Variants in IL10 observed in about 807,000 individuals in gnomAD.
The protein encoded by IL10 is interleukin-10.
IL10 carries 7 observed loss-of-function variants against 21.0 expected under a neutral mutation model. The observed-to-expected ratio is 0.33, with a 90% CI of 0.19 to 0.63. IL10 has a LOEUF of 0.63. IL10 is among the 20% of genes least tolerant of loss of function. IL10 has a pLI of 0.77. For synonymous variants in IL10, 83 were observed against 79.7 expected, an observed-to-expected ratio of 1.04 and a Z score of -0.22; for missense variants, 161 against 213.0, an observed-to-expected ratio of 0.76 and a Z score of 1.52.
In IL10 at chr1:206,772,458, T is replaced by C. The variant is rs1400264748; in HGVS notation, c.-23A>G. ...CATGCCTTCTTTTGCAAGTCTGTCT[T>C]GTGGTTTGGTTTTGCAAGAGCAAGC... is the stretch of plus-strand genomic sequence containing the variant. On this transcript the variant is annotated 5_prime_UTR_variant, in exon 1 of 5. Coordinates refer to ENST00000423557, the MANE Select transcript of IL10 (RefSeq NM_000572.3). The C allele has an allele frequency of 6.2e-7, 1 of 1,613,178 alleles. No homozygotes were observed. Among genetic ancestry groups the C allele is most frequent in the African/African-American group, 1.3e-5 (1 of 74,906 alleles).
intron 2 of IL10, 148 bp from the exon 3 acceptor site, chr1:206,771,207 T>A (rs1489841191): frequency 8.6e-7 from 1 of 1,162,468 alleles, no homozygotes; most frequent in Non-Finnish European, 1.3e-6. Flanking sequence ...TTGTAAACCC[T>A]CTGGCTGCTG....
At chr1:206,770,572 G>A (rs959996625) in intron 3 of IL10, 4 of 365,932 alleles carry the variant, frequency 1.1e-5, no homozygotes, top group Non-Finnish European at 1.5e-5. Context: ...TTAGCTCCCC[G>A]CCCAGGGTCT....
rs938217432 is a variant in IL10, at chr1:206,768,398, G to A, written c.*238C>T. On this transcript the variant is annotated 3_prime_UTR_variant, in exon 5 of 5. Coordinates refer to ENST00000423557, the MANE Select transcript of IL10 (RefSeq NM_000572.3). The stretch of plus-strand genomic sequence containing the variant: ...CCCTATGGAAACAGCTTAAAAACAG[G>A]TGAAAATAATAAATATTGAAAAAAA... 2.9e-5 allele frequency: 14 copies of A among 481,254 alleles called. No individual in the cohort carries two copies. Among genetic ancestry groups the A allele is most frequent in the African/African-American group, 1.5e-4 (8 of 51,794 alleles). The allele number at this position is 481,254 out of a possible 1,614,324, so 29.8% of individuals were successfully genotyped here. A position where few individuals can be genotyped will look rare whatever the true frequency, so the allele number is the denominator to read the frequency against.
chr1:206,770,291 C>G, intron 3 of IL10: 1 of 354,358 alleles, frequency 2.8e-6, no homozygotes, highest in Admixed American at 3.8e-5. Flanking sequence ...AAACCCTTCA[C>G]ATAGCCTTGT....
chr1:206,772,178 G>A, intron 1 of IL10, 93 bp downstream of exon 1: 1 of 1,076,606 alleles, frequency 9.3e-7, no homozygotes, highest in South Asian at 1.3e-5. Context: ...GATGGAGGTG[G>A]AGGCGCAGGA....
At position 206,767,890 on chromosome 1, in the gene IL10, C is replaced by G. The variant is rs561904879; in HGVS notation, c.*746G>C. 2 of 156,054 alleles carry G rather than the reference C, an allele frequency of 1.3e-5. No individual in the cohort carries two copies. The highest frequency in any genetic ancestry group is 2.8e-5 in the Non-Finnish European group (2 of 70,452). 9.7% of individuals were successfully genotyped at this position (156,054 alleles called of 1,614,324 possible). A position where few individuals can be genotyped will look rare whatever the true frequency, so the allele number is the denominator to read the frequency against. ...GATTACAGGTGCGCGCCACCATGCC[C>G]GGCTAATTTTTGTATTTTTAGTAGA... On this transcript the variant is annotated 3_prime_UTR_variant, in exon 5 of 5. Transcript: ENST00000423557.
At chr1:206,769,580 C>A in intron 4 of IL10, 1 of 582,432 alleles carries the variant, frequency 1.7e-6, no homozygotes, top group Non-Finnish European at 3.1e-6. Flanking sequence ...GGCCGGCCAG[C>A]CTAACCCGCA....
Position 206,772,318 on chromosome 1 carries a change from T to C in IL10, c.118A>G (p.Met40Val), listed in dbSNP as rs755837237. Residue 40 changes from methionine (M) to valine (V), a missense_variant, in exon 1 of 5, where the codon ATG (methionine) becomes GTG (valine). By Grantham distance (21) the Met-to-Val change is conservative (BLOSUM62 1). Coordinates refer to ENST00000423557, the MANE Select transcript of IL10 (RefSeq NM_000572.3). The stretch of plus-strand genomic sequence containing the variant: ...AAGGCATCTCGGAGATCTCGAAGCA[T>C]GTTAGGCAGGTTGCCTGGGAAGTGG... ...CTHFPGNLPNMLRDLRDAFSR... is the reference protein window; with the variant it reads ...CTHFPGNLPNVLRDLRDAFSR... 40 of 1,614,042 alleles carry C rather than the reference T, an allele frequency of 2.5e-5. No homozygotes were observed. The East Asian group carries it at 8.7e-4, about 35-fold the overall frequency.
chr1:206,771,005 C>A lies in IL10; in HGVS notation c.280G>T (p.Val94Leu). 1 of 1,614,150 alleles carries A rather than the reference C, an allele frequency of 6.2e-7. No homozygotes were observed. The highest frequency in any genetic ancestry group is 8.5e-7 in the Non-Finnish European group (1 of 1,179,988). The change falls in exon 3 of 5, where the codon GTG becomes TTG. Residue 94 changes from valine (V) to leucine (L), a missense_variant. Val to Leu is a conservative substitution (Grantham distance 32). Transcript: ENST00000423557. ...TCTTGGTTCTCAGCTTGGGGCATCACCTCCTCCAGGTAAAACTGGATCATC... is the reference window on the plus strand; with the variant it reads ...TCTTGGTTCTCAGCTTGGGGCATCAACTCCTCCAGGTAAAACTGGATCATC... ...SEMIQFYLEEVMPQAENQDPD... is the reference protein window; with the variant it reads ...SEMIQFYLEELMPQAENQDPD...
Position 206,771,386 on chromosome 1 carries a change from C to T in IL10, c.195G>A (p.Leu65=). ...AGTCCTCCAGCAAGGACTCCTTTAA[C>T]AACAAGTTGTCCAGCTGATCCTTCA... ...FQMKDQLDNL[L]LKESLLEDFK... Residue 65 remains leucine (L), a synonymous_variant, in exon 2 of 5, where the codon TTG becomes TTA. Transcript: ENST00000423557. The T allele has an allele frequency of 1.2e-6, 2 of 1,613,474 alleles. No homozygotes were observed. The highest frequency in any genetic ancestry group is 8.5e-7 in the Non-Finnish European group (1 of 1,179,736).
rs1274280163 is a variant in IL10, at chr1:206,772,312, G to A, written c.124C>T (p.Arg42Ter). ...HFPGNLPNML[R>*]DLRDAFSRVK... ...CTGCTGAAGGCATCTCGGAGATCTC[G>A]AAGCATGTTAGGCAGGTTGCCTGGG... Residue 42 changes from arginine (R) to a stop codon, truncating the protein, a stop_gained, in exon 1 of 5, where the codon CGA (arginine) becomes TGA (stop). Coordinates refer to ENST00000423557, the MANE Select transcript of IL10 (RefSeq NM_000572.3). LOFTEE classifies it high-confidence loss of function. The A allele has an allele frequency of 6.2e-7, 1 of 1,614,180 alleles. No homozygotes were observed.
At chr1:206,771,263 G>A in intron 2 of IL10, 93 bp downstream of exon 2, 1 of 1,299,840 alleles carries the variant, frequency 7.7e-7, no homozygotes, top group South Asian at 1.2e-5. Context: ...TCAAAGCGAA[G>A]GAAACAAACC....
rs370491306 is a variant in IL10, at chr1:206,771,282, T to C, written c.225+74A>G. 3.4e-4 allele frequency: 465 copies of C among 1,382,570 alleles called. 9 individuals are homozygous for C. The South Asian group carries it at 4.2e-3, about 12-fold the overall frequency. The allele number at this position is 1,382,570 out of a possible 1,614,324, so 85.6% of individuals were successfully genotyped here. A position where few individuals can be genotyped will look rare whatever the true frequency, so the allele number is the denominator to read the frequency against. ...AGCGAAGGAAACAAACCCAATTCCC[T>C]GCAATCAGGAAGCAGAGTCTCCCTT... On this transcript the variant is annotated intron_variant, in intron 2 of 4. Transcript: ENST00000423557.
intron 4 of IL10, 77 bp from the exon 5 acceptor site, chr1:206,768,805 G>C: frequency 1.2e-6 from 1 of 854,616 alleles, no homozygotes; most frequent in Non-Finnish European, 2.0e-6. Flanking sequence ...CATGCTCATG[G>C]ATGGGCATGA....
intron 1 of IL10, among the ~76,000 whole-genome samples, chr1:206,771,839 G>T (rs1423860700): frequency 6.6e-6 from 1 of 152,232 alleles, no homozygotes; most frequent in African/African-American, 2.4e-5. Context: ...TCCTTCTAAT[G>T]CAGGTTTCCC....
rs139352858 is a variant in IL10, at chr1:206,771,057, A to G, written c.228T>C (p.Gly76=). 14 of 1,614,060 alleles carry G rather than the reference A, an allele frequency of 8.7e-6. No homozygotes were observed. The African/African-American group carries it at 1.5e-4, about 17-fold the overall frequency. The part of the protein sequence containing the change: ...LKESLLEDFK[G]YLGCQALSEM... The stretch of plus-strand genomic sequence containing the variant: ...CAGACAAGGCTTGGCAACCCAGGTA[A>G]CCCTAAGGGCAGGAGCCAAAGGTGA... Residue 76 remains glycine (G), a splice_region_variant and synonymous_variant, in exon 3 of 5, where the codon GGT becomes GGC. Coordinates refer to ENST00000423557, the MANE Select transcript of IL10 (RefSeq NM_000572.3).
intron 4 of IL10, 124 bp downstream of exon 4, chr1:206,769,705 G>T: frequency 7.6e-6 from 6 of 786,330 alleles, no homozygotes; most frequent in Non-Finnish European, 1.1e-5. Context: ...CATCTGTCAG[G>T]TTCCCACACT....
At position 206,772,367 on chromosome 1, in the gene IL10, G is replaced by C. The variant is rs1287685346; in HGVS notation, c.69C>G (p.Gly23=). ...LTGVRASPGQ[G]TQSENSCTHF... ...GGGTGCAGCTGTTCTCAGACTGGGT[G>C]CCCTGGCCTGGGCTGGCCCTCACCC... Residue 23 remains glycine, a synonymous_variant, in exon 1 of 5, where the codon GGC becomes GGG. Coordinates refer to ENST00000423557, the MANE Select transcript of IL10 (RefSeq NM_000572.3). The C allele has an allele frequency of 3.1e-6, 5 of 1,614,138 alleles. No individual in the cohort carries two copies. The highest frequency in any genetic ancestry group is 2.2e-5 in the East Asian group (1 of 44,888).
chr1:206,772,195 T>G lies in IL10; in HGVS notation c.165+76A>C, dbSNP rs980358462. Reference sequence around the variant, plus strand: ...TGGAGGTGGAGGCGCAGGAGGAGGGTTCTTATAGTTCCAGGAGAATGTCTA... The same window carrying G: ...TGGAGGTGGAGGCGCAGGAGGAGGGGTCTTATAGTTCCAGGAGAATGTCTA... On this transcript the variant is annotated intron_variant, in intron 1 of 4. Coordinates refer to ENST00000423557, the MANE Select transcript of IL10 (RefSeq NM_000572.3). 6.6e-5 allele frequency: 88 copies of G among 1,326,290 alleles called. 1 individual carries two copies. Among genetic ancestry groups the G allele is most frequent in the Middle Eastern group, 3.6e-4 (2 of 5,590 alleles). The allele number at this position is 1,326,290 out of a possible 1,614,324, so 82.2% of individuals were successfully genotyped here.
Sources: allele counts gnomAD v4.1 joint callset (sites outside exome capture counted in the v4.1 genomes callset), GRCh38; gene constraint gnomAD v4.1.1; transcripts MANE v1.5; gene names NCBI Gene and HGNC (gene_info 2026-07-23, HGNC 2026-07-21).